Variants in DIPK1A observed in about 807,000 individuals in gnomAD.
DIPK1A encodes family with sequence similarity 69 member A.
In DIPK1A, 27 loss-of-function variants were observed where a neutral mutation model predicts 40.8. The observed-to-expected ratio is 0.66, with a 90% confidence interval of 0.49 to 0.91. DIPK1A has a LOEUF of 0.91. Among genes scored for constraint, DIPK1A ranks in the 40% least tolerant of loss-of-function variants. The pLI is 0.00. For synonymous variants in DIPK1A, 166 were observed against 171.3 expected (o/e 0.97, Z 0.24); for missense variants, 412 against 505.7 (o/e 0.81, Z 1.78).
At chr1:92,940,245 A>T (rs1651101097) in intron 1 of DIPK1A, among the ~76,000 whole-genome samples, 1 of 152,112 alleles carries the variant, frequency 6.6e-6, no homozygotes, top group African/African-American at 2.4e-5. Flanking sequence ...CCCAACACAG[A>T]CTGCTAAAAA....
chr1:92,946,661 A>T (rs1651373576), intron 1 of DIPK1A, among the ~76,000 whole-genome samples: 1 of 152,222 alleles, frequency 6.6e-6, no homozygotes, highest in South Asian at 2.1e-4. Flanking sequence ...AAACAGAGGT[A>T]GGCTGGGCCC....
At chr1:92,842,160 T>A, downstream of DIPK1A, 1 of 1,034,114 alleles carries the variant, frequency 9.7e-7, no homozygotes, top group Non-Finnish European at 1.2e-6. Context: ...CAACCATCAG[T>A]GGGAAATATT....
downstream of DIPK1A, among the ~76,000 whole-genome samples, chr1:92,839,345 C>T (rs982857595): frequency 4.6e-5 from 7 of 152,088 alleles, no homozygotes; most frequent in African/African-American, 1.7e-4. Context: ...GGCAACAGAG[C>T]GAGACTTCAT....
intron 2 of DIPK1A, among the ~76,000 whole-genome samples, chr1:92,860,646 A>AAAAAAAAAAAAAAAAGCCAGGTG: frequency 9.5e-6 from 1 of 105,212 alleles, no homozygotes; most frequent in Non-Finnish European, 1.8e-5. Flanking sequence ...AAAAAAAAAA[A>AAAAAAAAAAAAAAAAGCCAGGTG]TGGTGGTGTG....
At chr1:92,947,585 C>G (rs1238705286) in intron 1 of DIPK1A, among the ~76,000 whole-genome samples, 4 of 152,124 alleles carry the variant, frequency 2.6e-5, no homozygotes, top group African/African-American at 9.7e-5. Flanking sequence ...TGCAGCAATC[C>G]CACTACTGGG....
At chr1:92,927,704 T>C (rs1343123526) in intron 1 of DIPK1A, among the ~76,000 whole-genome samples, 1 of 152,200 alleles carries the variant, frequency 6.6e-6, no homozygotes, top group African/African-American at 2.4e-5. Context: ...ATGTAAATGA[T>C]ATAATACAAT....
intron 2 of DIPK1A, among the ~76,000 whole-genome samples, chr1:92,871,943 TG>T (rs1647883597): frequency 6.6e-6 from 1 of 152,152 alleles, no homozygotes; most frequent in African/African-American, 2.4e-5. Flanking sequence ...AGAATCCATT[TG>T]AAACCCTGAT....
intron 1 of DIPK1A, among the ~76,000 whole-genome samples, chr1:92,959,903 C>CTTTTTTTT (rs1157142089): frequency 0.095 from 4,518 of 47,440 alleles, 688 homozygotes; most frequent in Middle Eastern, 0.11. Context: ...ACCCAACCAA[C>CTTTTTTTT]TTTTTTTTTT....
chr1:92,890,454 G>C (rs1648812409), intron 1 of DIPK1A, among the ~76,000 whole-genome samples: 1 of 152,128 alleles, frequency 6.6e-6, no homozygotes, highest in Admixed American at 6.5e-5. Flanking sequence ...CTGTGGGTTT[G>C]TCATAGATGG....
intron 2 of DIPK1A, among the ~76,000 whole-genome samples, chr1:92,851,617 C>T (rs1012595789): frequency 1.3e-5 from 2 of 148,298 alleles, no homozygotes; most frequent in Non-Finnish European, 3.0e-5. Flanking sequence ...TTACCTCTGT[C>T]ACATTGTCAT....
chr1:92,866,299 A>G (rs903461728), intron 2 of DIPK1A, among the ~76,000 whole-genome samples: 3 of 152,066 alleles, frequency 2.0e-5, no homozygotes, highest in African/African-American at 7.2e-5. Context: ...ATGGGTTTTC[A>G]CCATGTTGGC....
intron 1 of DIPK1A, among the ~76,000 whole-genome samples, chr1:92,922,039 T>A (rs1650290651): frequency 6.6e-6 from 1 of 152,196 alleles, no homozygotes; most frequent in Non-Finnish European, 1.5e-5. Flanking sequence ...GTTAGTATTT[T>A]AAATGTTCCT....
intron 2 of DIPK1A, among the ~76,000 whole-genome samples, chr1:92,867,139 T>C (rs545527978): frequency 6.6e-6 from 1 of 152,140 alleles, no homozygotes; most frequent in East Asian, 1.9e-4. Flanking sequence ...TTACAAAGCC[T>C]AAATAATTTG....
At chr1:92,858,657 C>T (rs1312730814) in intron 2 of DIPK1A, among the ~76,000 whole-genome samples, 1 of 152,054 alleles carries the variant, frequency 6.6e-6, no homozygotes. Flanking sequence ...CATTCAGCTA[C>T]AAGACAAATT....
chr1:92,841,786 C>G, downstream of DIPK1A: 1 of 1,611,468 alleles, frequency 6.2e-7, no homozygotes, highest in East Asian at 2.2e-5. Flanking sequence ...CCCAAAATGT[C>G]CCTTGCTCAG....
intron 1 of DIPK1A, among the ~76,000 whole-genome samples, chr1:92,926,256 T>C (rs1368875221): frequency 6.6e-6 from 1 of 152,236 alleles, no homozygotes; most frequent in Non-Finnish European, 1.5e-5. Context: ...CATTTTTTAT[T>C]ATCATTCAGT....
intron 4 of DIPK1A, chr1:92,833,921 T>C: frequency 4.3e-6 from 2 of 464,634 alleles, no homozygotes; most frequent in Non-Finnish European, 7.8e-6. Context: ...GCCTGGGCAA[T>C]ATAGTGAGAG....
intron 1 of DIPK1A, among the ~76,000 whole-genome samples, chr1:92,893,646 A>C (rs1362789074): frequency 6.6e-6 from 1 of 151,138 alleles, no homozygotes; most frequent in Non-Finnish European, 1.5e-5. Context: ...AAATTCACAC[A>C]TAACAATATT....
At chr1:92,937,184 G>A (rs773467025) in intron 1 of DIPK1A, among the ~76,000 whole-genome samples, 2 of 152,084 alleles carry the variant, frequency 1.3e-5, no homozygotes, top group Non-Finnish European at 2.9e-5. Flanking sequence ...TCCAAGGCTG[G>A]GCATGGTGGC....
Sources: allele counts gnomAD v4.1 joint callset (sites outside exome capture counted in the v4.1 genomes callset), GRCh38; gene constraint gnomAD v4.1.1; transcripts MANE v1.5; gene names NCBI Gene and HGNC (gene_info 2026-07-23, HGNC 2026-07-21).